Variants in PLEKHA3 observed in about 807,000 individuals in gnomAD.
PLEKHA3 encodes pleckstrin homology domain-containing family A member 3.
A neutral mutation model predicts 39.2 loss-of-function variants in PLEKHA3; 19 were observed. The observed-to-expected ratio is 0.48, with a 90% CI of 0.34 to 0.71. The LOEUF (loss-of-function observed/expected upper bound fraction) is 0.71, where lower values mean the gene tolerates loss of function less well. Among genes scored for constraint, PLEKHA3 ranks in the 30% least tolerant of loss-of-function variants. The pLI is 0.01. For missense variants in PLEKHA3, 253 were observed against 359.5 expected, an observed-to-expected ratio of 0.70 and a Z score of 2.40; for synonymous variants, 97 against 118.6, an observed-to-expected ratio of 0.82 and a Z score of 1.18.
At chr2:178,497,451 C>G (rs545244326) in intron 5 of PLEKHA3, among the ~76,000 whole-genome samples, 23 of 152,132 alleles carry the variant, frequency 1.5e-4, no homozygotes, top group South Asian at 1.5e-3. Context: ...AGGATGGTCT[C>G]GATCTCCTGA....
chr2:178,506,413 C>G lies in PLEKHA3; in HGVS notation c.*2526C>G, dbSNP rs1409197386. The G allele has an allele frequency of 6.6e-6, 1 of 152,124 alleles. No homozygotes were observed. Among genetic ancestry groups the G allele is most frequent in the Non-Finnish European group, 1.5e-5 (1 of 68,004 alleles). 9.4% of individuals were successfully genotyped at this position (152,124 alleles called of 1,614,324 possible). On this transcript the variant is annotated 3_prime_UTR_variant, in exon 8 of 8. Coordinates refer to ENST00000234453, the MANE Select transcript of PLEKHA3 (RefSeq NM_019091.4). ...TATAAATGAGCTGAATTTGAATTTTCTTACATCATATGGGATTATTGCATG... is the reference window on the plus strand; with the variant it reads ...TATAAATGAGCTGAATTTGAATTTTGTTACATCATATGGGATTATTGCATG...
Position 178,507,665 on chromosome 2 carries a change from T to G in PLEKHA3, c.*3778T>G, listed in dbSNP as rs1475130211. On this transcript the variant is annotated 3_prime_UTR_variant, in exon 8 of 8. Transcript: ENST00000234453. ...TTTTTAGTCTCACATTAGGTTTTTT[T>G]TTTTTTTTTTTTTTTTTTTTTTTTT... The G allele has an allele frequency of 2.5e-5, 2 of 79,522 alleles. No homozygotes were observed. Among genetic ancestry groups the G allele is most frequent in the East Asian group, 2.2e-3 (1 of 452 alleles). The allele number at this position is 79,522 out of a possible 1,614,324, so 4.9% of individuals were successfully genotyped here. A position where few individuals can be genotyped will look rare whatever the true frequency, so the allele number is the denominator to read the frequency against.
chr2:178,498,441 A>G (rs1319290199), intron 5 of PLEKHA3, among the ~76,000 whole-genome samples: 1 of 152,192 alleles, frequency 6.6e-6, no homozygotes, highest in Non-Finnish European at 1.5e-5. Flanking sequence ...TCTTGGGCTC[A>G]TGTATACAAA....
chr2:178,484,404 C>T (rs1488677527), intron 1 of PLEKHA3, among the ~76,000 whole-genome samples: 4 of 152,150 alleles, frequency 2.6e-5, no homozygotes, highest in Non-Finnish European at 5.9e-5. Flanking sequence ...CCCTGCCTTC[C>T]TAAACAGGGT....
At chr2:178,494,683 A>C (rs1685412467) in intron 4 of PLEKHA3, among the ~76,000 whole-genome samples, 1 of 152,140 alleles carries the variant, frequency 6.6e-6, no homozygotes, top group Non-Finnish European at 1.5e-5. Context: ...ACAGCAGCTC[A>C]GTGACAGTAT....
At chr2:178,480,971 C>T (rs1026644257) in intron 1 of PLEKHA3, 62 bp downstream of exon 1, 3 of 1,282,064 alleles carry the variant, frequency 2.3e-6, no homozygotes, top group Middle Eastern at 4.1e-4. Context: ...GAAGGCGGGT[C>T]GGGGCTCCTC....
At chr2:178,497,354 C>T (rs1685465261) in intron 5 of PLEKHA3, among the ~76,000 whole-genome samples, 2 of 152,120 alleles carry the variant, frequency 1.3e-5, no homozygotes, top group Admixed American at 1.3e-4. Context: ...CCTCAGCCTC[C>T]TGAGCAGATG....
At chr2:178,490,936 C>T (rs1272556130) in intron 3 of PLEKHA3, 122 bp downstream of exon 3, 8 of 729,434 alleles carry the variant, frequency 1.1e-5, no homozygotes, top group Admixed American at 3.5e-5. Flanking sequence ...TGTAGATTTA[C>T]GTATATCTTT....
chr2:178,500,309 G>A (rs184927628), intron 6 of PLEKHA3, among the ~76,000 whole-genome samples: 31 of 152,164 alleles, frequency 2.0e-4, no homozygotes, highest in African/African-American at 7.2e-4. Flanking sequence ...ATCCAATGAT[G>A]TATATATCCA....
In PLEKHA3 at chr2:178,513,380, T is replaced by G. The variant is rs1477650020; in HGVS notation, c.*9493T>G. ...TTATGACCTTTACTTGAGTATTTTTTTGTGTGTGACAGTTGAACAATTCTG... is the reference window on the plus strand; with the variant it reads ...TTATGACCTTTACTTGAGTATTTTTGTGTGTGTGACAGTTGAACAATTCTG... On this transcript the variant is annotated 3_prime_UTR_variant, in exon 8 of 8. Coordinates refer to ENST00000234453, the MANE Select transcript of PLEKHA3 (RefSeq NM_019091.4). 5 of 152,222 alleles carry G rather than the reference T, an allele frequency of 3.3e-5. No individual in the cohort carries two copies. The highest frequency in any genetic ancestry group is 9.6e-5 in the African/African-American group (4 of 41,468). 9.4% of individuals were successfully genotyped at this position (152,222 alleles called of 1,614,324 possible).
intron 2 of PLEKHA3, among the ~76,000 whole-genome samples, chr2:178,489,622 T>G (rs954109803): frequency 6.6e-6 from 1 of 151,964 alleles, no homozygotes; most frequent in African/African-American, 2.4e-5. Flanking sequence ...AGTACATGCT[T>G]GCACCACTAT....
Position 178,495,503 on chromosome 2 carries a change from A to G in PLEKHA3, c.458A>G (p.Asn153Ser). 6.2e-7 allele frequency: 1 copy of G among 1,613,982 alleles called. No homozygotes were observed. The highest frequency in any genetic ancestry group is 8.5e-7 in the Non-Finnish European group (1 of 1,179,996). Reference protein sequence around the residue: ...NHSSPSAENMNEASSLLSATC... With the variant: ...NHSSPSAENMSEASSLLSATC... ...CTTTGTGTAATTTTTCAGAACATGA[A>G]TGAAGCCTCTTCTCTGCTTAGTGCC... The change falls in exon 5 of 8, where the codon AAT becomes AGT. Residue 153 changes from asparagine (N) to serine (S), a missense_variant. Physicochemically the swap from Asn to Ser is conservative, Grantham distance 46. Coordinates refer to ENST00000234453, the MANE Select transcript of PLEKHA3 (RefSeq NM_019091.4).
chr2:178,482,004 G>A (rs1050348842), intron 1 of PLEKHA3: 1 of 153,726 alleles, frequency 6.5e-6, no homozygotes, highest in African/African-American at 2.4e-5. Context: ...CATAAGCACT[G>A]AGCTACAGTT....
chr2:178,499,025 A>C (rs974360391), intron 5 of PLEKHA3, among the ~76,000 whole-genome samples, 186 bp from the exon 6 acceptor site: 1 of 152,106 alleles, frequency 6.6e-6, no homozygotes, highest in African/African-American at 2.4e-5. Flanking sequence ...AATGGTTATT[A>C]GGGAGAAAGC....
At position 178,514,356 on chromosome 2, in the gene PLEKHA3, TCA is replaced by T. The variant is rs1685729960; in HGVS notation, c.*10470_*10471del. On this transcript the variant is annotated 3_prime_UTR_variant, in exon 8 of 8. Coordinates refer to ENST00000234453, the MANE Select transcript of PLEKHA3 (RefSeq NM_019091.4). Reference sequence around the variant, plus strand: ...TGGGGAATGGTGGCAGGGGTAACTATCATCGAGAATATAGGGCAATGGGTATA... The same window carrying T: ...TGGGGAATGGTGGCAGGGGTAACTATTCGAGAATATAGGGCAATGGGTATA... 1 of 152,116 alleles carries T rather than the reference TCA, an allele frequency of 6.6e-6. No individual in the cohort carries two copies. The highest frequency in any genetic ancestry group is 1.5e-5 in the Non-Finnish European group (1 of 68,016). 9.4% of individuals were successfully genotyped at this position (152,116 alleles called of 1,614,324 possible). A position where few individuals can be genotyped will look rare whatever the true frequency, so the allele number is the denominator to read the frequency against.
chr2:178,490,507 G>A, intron 2 of PLEKHA3, 152 bp from the exon 3 acceptor site: 1 of 673,518 alleles, frequency 1.5e-6, no homozygotes, highest in Non-Finnish European at 2.3e-6. Flanking sequence ...CCACTGGGTG[G>A]CCCCTCAGGG....
rs71023446 is a variant in PLEKHA3, at chr2:178,508,050, G to GGTGTGT, written c.*4197_*4202dup. The GGTGTGT allele has an allele frequency of 1.6e-3, 224 of 142,220 alleles. 2 individuals carry two copies. The highest frequency in any genetic ancestry group is 4.7e-3 in the African/African-American group (179 of 37,910). The allele number at this position is 142,220 out of a possible 1,614,324, so 8.8% of individuals were successfully genotyped here. A position where few individuals can be genotyped will look rare whatever the true frequency, so the allele number is the denominator to read the frequency against. ...TAGAGATTTGTCTGCTTCAGTTCTG[G>GGTGTGT]GTGTGTGTGTGTGTGTGTGTGTGTG... On this transcript the variant is annotated 3_prime_UTR_variant, in exon 8 of 8. Transcript: ENST00000234453.
In PLEKHA3 at chr2:178,490,560, G is replaced by C. The variant is rs370117867; in HGVS notation, c.158-99G>C. The C allele has an allele frequency of 9.6e-5, 117 of 1,217,480 alleles. No individual in the cohort carries two copies. The African/African-American group carries it at 1.7e-3, about 18-fold the overall frequency. The allele number at this position is 1,217,480 out of a possible 1,614,324, so 75.4% of individuals were successfully genotyped here. On this transcript the variant is annotated intron_variant, in intron 2 of 7. Transcript: ENST00000234453. Reference sequence around the variant, plus strand: ...CATGAATGATAGTTCAATGTTTTTGGTATATGAAGCATCTGATACTGTGTG... The same window carrying C: ...CATGAATGATAGTTCAATGTTTTTGCTATATGAAGCATCTGATACTGTGTG...
chr2:178,497,385 C>T (rs1300891288), intron 5 of PLEKHA3, among the ~76,000 whole-genome samples: 5 of 152,078 alleles, frequency 3.3e-5, no homozygotes, highest in African/African-American at 1.2e-4. Context: ...CGCCTGCCAC[C>T]ATGCCCAGCT....
Sources: gnomAD v4.1 joint callset for allele counts (sites outside exome capture counted in the v4.1 genomes callset) on GRCh38, gnomAD v4.1.1 for gene constraint, MANE v1.5 for transcripts, NCBI Gene and HGNC (gene_info 2026-07-23, HGNC 2026-07-21) for gene names.